Variants in CMTR1 observed in about 807,000 individuals in gnomAD.
CMTR1 encodes cap-specific mRNA (nucleoside-2'-O-)-methyltransferase 1.
CMTR1 carries 39 observed loss-of-function variants against 107.0 expected under a neutral mutation model. The ratio of observed to expected loss-of-function variants is 0.36; its 90% CI spans 0.28 to 0.48. The LOEUF (loss-of-function observed/expected upper bound fraction) is 0.48. Among genes scored for constraint, CMTR1 ranks in the 20% least tolerant of loss-of-function variants. The probability of loss-of-function intolerance (pLI) is 0.99; values close to 1 mark genes in which losing one functional copy is unlikely to be tolerated. For missense variants in CMTR1, 672 were observed against 1,064.9 expected, an observed-to-expected ratio of 0.63 and a Z score of 5.14; for synonymous variants, 366 against 379.5, an observed-to-expected ratio of 0.96 and a Z score of 0.41.
At position 37,451,808 on chromosome 6, in the gene CMTR1, A is replaced by T; in HGVS notation, c.540A>T (p.Arg180Ser). 5 of 1,612,890 alleles carry T rather than the reference A, an allele frequency of 3.1e-6. No individual in the cohort carries two copies. Among genetic ancestry groups the T allele is most frequent in the Non-Finnish European group, 4.2e-6 (5 of 1,179,184 alleles). ...EMSDWMVVGK[R>S]KMIIEDETEF... ...TTACTGCTTTTTTCTCCCTGTAGAG[A>T]AAGATGATTATTGAAGATGAAACAG... Residue 180 changes from arginine to serine, a missense_variant and splice_region_variant, in exon 6 of 24, where the codon AGA becomes AGT. Arg to Ser is a moderately radical substitution (Grantham distance 110, BLOSUM62 -1). Coordinates refer to ENST00000373451, the MANE Select transcript of CMTR1 (RefSeq NM_015050.3).
intron 2 of CMTR1, among the ~76,000 whole-genome samples, chr6:37,442,602 T>A (rs1771698563): frequency 6.6e-6 from 1 of 152,146 alleles, no homozygotes; most frequent in African/African-American, 2.4e-5. Flanking sequence ...TAAGGCAATG[T>A]GATGAGTGCT....
At chr6:37,465,020 G>A (rs1037407183) in intron 13 of CMTR1, among the ~76,000 whole-genome samples, 1 of 150,734 alleles carries the variant, frequency 6.6e-6, no homozygotes, top group East Asian at 1.9e-4. Context: ...CTGTAATCCA[G>A]CACTTTGGGA....
At chr6:37,430,870 C>T (rs943804450), upstream of CMTR1, among the ~76,000 whole-genome samples, 37 of 151,874 alleles carry the variant, frequency 2.4e-4, no homozygotes, top group Admixed American at 1.1e-3. Context: ...AAAAATTAGC[C>T]GGGCGTGGTG....
chr6:37,433,511 C>G (rs552485245), intron 1 of CMTR1, 134 bp downstream of exon 1: 44 of 152,938 alleles, frequency 2.9e-4, no homozygotes, highest in African/African-American at 1.0e-3. Context: ...CTTATGTCTT[C>G]CCTCCTCCTC....
intron 4 of CMTR1, among the ~76,000 whole-genome samples, chr6:37,449,154 C>T (rs187949418): frequency 6.6e-6 from 1 of 152,048 alleles, no homozygotes; most frequent in East Asian, 1.9e-4. Flanking sequence ...CTGTGTTGCC[C>T]AGACTGGTCT....
In CMTR1 at chr6:37,480,271, G is replaced by A. The variant is rs1761828323; in HGVS notation, c.*126G>A. The A allele has an allele frequency of 7.4e-6, 11 of 1,478,280 alleles. No homozygotes were observed. Among genetic ancestry groups the A allele is most frequent in the Non-Finnish European group, 9.7e-6 (11 of 1,131,332 alleles). The allele number at this position is 1,478,280 out of a possible 1,614,324, so 91.6% of individuals were successfully genotyped here. A position where few individuals can be genotyped will look rare whatever the true frequency, so the allele number is the denominator to read the frequency against. ...CTGGGGAGCATTGCACCTGGCATGA[G>A]GAGTGGGTGGCCTCCTCTCCATCCC... On this transcript the variant is annotated 3_prime_UTR_variant, in exon 24 of 24. Coordinates refer to ENST00000373451, the MANE Select transcript of CMTR1 (RefSeq NM_015050.3).
At chr6:37,446,484 A>G in intron 4 of CMTR1, 35 bp downstream of exon 4, 1 of 1,588,488 alleles carries the variant, frequency 6.3e-7, no homozygotes, top group Non-Finnish European at 8.5e-7. Flanking sequence ...TGGAAAAGCC[A>G]CTTGTGTTTT....
chr6:37,449,003 C>T (rs749068697), intron 4 of CMTR1, among the ~76,000 whole-genome samples: 21 of 152,128 alleles, frequency 1.4e-4, no homozygotes, highest in Non-Finnish European at 2.9e-4. Context: ...TGCAGTGGCA[C>T]AAACACAGTT....
At chr6:37,445,114 G>C (rs1219521107) in intron 3 of CMTR1, among the ~76,000 whole-genome samples, 1 of 152,238 alleles carries the variant, frequency 6.6e-6, no homozygotes, top group Admixed American at 6.5e-5. Flanking sequence ...CACTGCTAAA[G>C]CCATAGGTCA....
chr6:37,435,742 C>G lies in CMTR1; in HGVS notation c.113C>G (p.Ser38Cys), dbSNP rs759965345. 1 of 1,596,778 alleles carries G rather than the reference C, an allele frequency of 6.3e-7. No individual in the cohort carries two copies. The highest frequency in any genetic ancestry group is 8.5e-7 in the Non-Finnish European group (1 of 1,174,050). The change falls in exon 2 of 24, where the codon TCT becomes TGT. Residue 38 changes from serine to cysteine, a missense_variant. Transcript: ENST00000373451. ...SSTSDDEPPS[S>C]VSHGAKASTT... is the part of the protein sequence containing the mutation. ...ACGTCCGATGATGAACCTCCCTCCTCTGTCAGTCATGGAGCAAAAGGTACG... is the reference window on the plus strand; with the variant it reads ...ACGTCCGATGATGAACCTCCCTCCTGTGTCAGTCATGGAGCAAAAGGTACG...
Position 37,481,085 on chromosome 6 carries a change from T to C in CMTR1, c.*940T>C, listed in dbSNP as rs1761845035. 7 of 1,304,306 alleles carry C rather than the reference T, an allele frequency of 5.4e-6. No individual in the cohort carries two copies. Among genetic ancestry groups the C allele is most frequent in the Non-Finnish European group, 7.1e-6 (7 of 988,958 alleles). The allele number at this position is 1,304,306 out of a possible 1,614,324, so 80.8% of individuals were successfully genotyped here. A position where few individuals can be genotyped will look rare whatever the true frequency, so the allele number is the denominator to read the frequency against. On this transcript the variant is annotated 3_prime_UTR_variant, in exon 24 of 24. Transcript: ENST00000373451. ...ATTCTGAGCTTGAAGTGCAGCTCCCTTACTACCCTTTCCCTTCCTTTTTCT... is the reference window on the plus strand; with the variant it reads ...ATTCTGAGCTTGAAGTGCAGCTCCCCTACTACCCTTTCCCTTCCTTTTTCT...
At chr6:37,452,924 C>A in intron 6 of CMTR1, 123 bp from the exon 7 acceptor site, 2 of 816,220 alleles carry the variant, frequency 2.5e-6, no homozygotes, top group South Asian at 1.5e-5. Context: ...CACAGTGAGA[C>A]ATTTCAGAGC....
At chr6:37,455,440 A>G (rs1299553005) in intron 8 of CMTR1, among the ~76,000 whole-genome samples, 1 of 152,218 alleles carries the variant, frequency 6.6e-6, no homozygotes, top group African/African-American at 2.4e-5. Context: ...GAAAGGGGGC[A>G]AGGGGAGGAA....
At chr6:37,445,308 G>A (rs1771759327) in intron 3 of CMTR1, among the ~76,000 whole-genome samples, 1 of 152,048 alleles carries the variant, frequency 6.6e-6, no homozygotes. Flanking sequence ...GATCTTCTTA[G>A]GATTGCAGTT....
chr6:37,479,923 C>A, intron 23 of CMTR1, 90 bp from the exon 24 acceptor site: 1 of 1,266,818 alleles, frequency 7.9e-7, no homozygotes, highest in Non-Finnish European at 1.1e-6. Context: ...AAGTCATTGA[C>A]AGACCCCTCC....
At chr6:37,440,757 T>A (rs1213000985) in intron 2 of CMTR1, among the ~76,000 whole-genome samples, 1 of 152,206 alleles carries the variant, frequency 6.6e-6, no homozygotes, top group Non-Finnish European at 1.5e-5. Flanking sequence ...CCCTGTCATT[T>A]TTGCCCAGAG....
At chr6:37,470,180 AC>A (rs1341238303) in intron 13 of CMTR1, among the ~76,000 whole-genome samples, 1 of 146,442 alleles carries the variant, frequency 6.8e-6, no homozygotes, top group Non-Finnish European at 1.5e-5. Flanking sequence ...GGAGTCTTGC[AC>A]TGTTGCCCAG....
At chr6:37,430,820 C>A (rs1771351959), upstream of CMTR1, among the ~76,000 whole-genome samples, 1 of 152,046 alleles carries the variant, frequency 6.6e-6, no homozygotes, top group African/African-American at 2.4e-5. Flanking sequence ...CAAGACCATC[C>A]TGGCTAACAC....
At position 37,463,226 on chromosome 6, in the gene CMTR1, G is replaced by A. The variant is rs3734326; in HGVS notation, c.1505+218G>A. Among the ~76,000 whole-genome samples, 1,028 of 152,290 alleles carry A rather than the reference G, an allele frequency of 6.8e-3. 44 individuals are homozygous for A. In the East Asian group the frequency reaches 0.12, roughly 18 times the overall value. On this transcript the variant is annotated intron_variant, in intron 13 of 23. Transcript: ENST00000373451. ...GCCCTATCCCAAGGGTGGCAGGTAG[G>A]TGCCTGGCTAGTATAGGCCTGCCTG... is the stretch of plus-strand genomic sequence containing the variant.
Sources: gnomAD v4.1 joint callset for allele counts (sites outside exome capture counted in the v4.1 genomes callset) on GRCh38, gnomAD v4.1.1 for gene constraint, MANE v1.5 for transcripts, NCBI Gene and HGNC (gene_info 2026-07-23, HGNC 2026-07-21) for gene names.